Variants in FKBP15 observed in about 807,000 individuals in gnomAD.
FKBP15 encodes FKBP prolyl isomerase family member 15, also known as FK506-binding protein 15.
In FKBP15, 106 loss-of-function variants were observed where a neutral mutation model predicts 158.1. The observed-to-expected ratio is 0.67, with a 90% CI of 0.57 to 0.79. The LOEUF (loss-of-function observed/expected upper bound fraction) is 0.79, where lower values mean the gene tolerates loss of function less well. FKBP15 is among the 30% of genes least tolerant of loss of function. The pLI is 0.00. For missense variants in FKBP15, 1,287 were observed against 1,479.1 expected, an observed-to-expected ratio of 0.87 and a Z score of 2.13; for synonymous variants, 547 against 548.6, an observed-to-expected ratio of 1.00 and a Z score of 0.04.
rs373247123 is a variant in FKBP15 at position 113,169,598 on chromosome 9, A to C, written c.3111T>G (p.Val1037=). 304 of 1,613,896 alleles carry C rather than the reference A, an allele frequency of 1.9e-4. No individual in the cohort carries two copies. The highest frequency in any genetic ancestry group is 2.3e-4 in the Non-Finnish European group (269 of 1,179,898). The change falls in exon 26 of 28, where the codon GTT becomes GTG. Residue 1037 remains valine, a synonymous_variant. Coordinates refer to ENST00000238256, the MANE Select transcript of FKBP15 (RefSeq NM_015258.2). ...GTGGAATTGAAGTCGGGGGCCCTAG[A>C]ACTCTGTGGGATGGGATGCAAGACA... ...PELSCIPSHR[V]LGPPTSIPPE...
intron 7 of FKBP15, among the ~76,000 whole-genome samples, chr9:113,199,279 G>A (rs556073855): frequency 1.3e-5 from 2 of 152,058 alleles, no homozygotes; most frequent in East Asian, 1.9e-4. Context: ...TTCACAAATG[G>A]AAAAAAATAA....
intron 11 of FKBP15, among the ~76,000 whole-genome samples, chr9:113,191,745 C>T (rs887555465): frequency 6.6e-6 from 1 of 150,492 alleles, no homozygotes; most frequent in African/African-American, 2.4e-5. Context: ...ATAAAAAATA[C>T]ATTTCTACTT....
chr9:113,171,189 A>G (rs1830202049), intron 24 of FKBP15, among the ~76,000 whole-genome samples: 1 of 152,198 alleles, frequency 6.6e-6, no homozygotes, highest in African/African-American at 2.4e-5. Flanking sequence ...GCACTTTGGG[A>G]GGCTGAGGCA....
intron 19 of FKBP15, among the ~76,000 whole-genome samples, chr9:113,180,040 G>A (rs12350340): frequency 6.6e-6 from 1 of 152,174 alleles, no homozygotes; most frequent in Non-Finnish European, 1.5e-5. Flanking sequence ...TCATAGCTCA[G>A]AGTTCACTAA....
intron 2 of FKBP15, among the ~76,000 whole-genome samples, chr9:113,209,954 G>C (rs928043890): frequency 6.6e-5 from 10 of 152,290 alleles, no homozygotes; most frequent in African/African-American, 2.4e-4. Context: ...AGGTGACTTA[G>C]AGTGGGGCCC....
intron 2 of FKBP15, among the ~76,000 whole-genome samples, chr9:113,210,934 T>C (rs1830988988): frequency 6.6e-6 from 1 of 152,236 alleles, no homozygotes; most frequent in African/African-American, 2.4e-5. Context: ...CTCTCAGGCC[T>C]GCAGCCACAG....
intron 27 of FKBP15, among the ~76,000 whole-genome samples, chr9:113,167,647 G>A (rs1357009250): frequency 6.6e-6 from 1 of 152,138 alleles, no homozygotes; most frequent in African/African-American, 2.4e-5. Context: ...TACATGAGGG[G>A]ACAAAATTTG....
At chr9:113,183,042 T>C (rs1481288896) in intron 18 of FKBP15, among the ~76,000 whole-genome samples, 174 bp from the exon 19 acceptor site, 1 of 152,020 alleles carries the variant, frequency 6.6e-6, no homozygotes, top group South Asian at 2.1e-4. Context: ...GGAAATCAGG[T>C]TGGAAGCAGG....
At chr9:113,166,377 C>G (rs983707969) in intron 27 of FKBP15, among the ~76,000 whole-genome samples, 3 of 152,336 alleles carry the variant, frequency 2.0e-5, no homozygotes, top group African/African-American at 7.2e-5. Context: ...AAAAGATGAA[C>G]TTTGTTTGGC....
At chr9:113,175,816 A>G (rs377688283) in intron 21 of FKBP15, among the ~76,000 whole-genome samples, 49 of 152,356 alleles carry the variant, frequency 3.2e-4, no homozygotes, top group African/African-American at 1.2e-3. Context: ...TTAAAACAAG[A>G]TAACATATTT....
intron 24 of FKBP15, among the ~76,000 whole-genome samples, chr9:113,170,988 C>A (rs866813346): frequency 4.6e-5 from 7 of 152,318 alleles, no homozygotes; most frequent in African/African-American, 1.7e-4. Flanking sequence ...GGCACACTCC[C>A]CAAGCCCCAT....
Position 113,184,613 on chromosome 9 carries a change from C to G in FKBP15, c.1608+82G>C. On this transcript the variant is annotated intron_variant, in intron 16 of 27. Transcript: ENST00000238256. The surrounding 1 kb of genome is among the most constrained non-coding windows in gnomAD (Gnocchi z 4.5). ...TCTCACTACTACCAATGCAGGAAATCAAAGAAGAGTTTACCTACAGTTCTG... is the reference window on the plus strand; with the variant it reads ...TCTCACTACTACCAATGCAGGAAATGAAAGAAGAGTTTACCTACAGTTCTG... The G allele has an allele frequency of 4.2e-6, 5 of 1,182,100 alleles. No individual in the cohort carries two copies. Among genetic ancestry groups the G allele is most frequent in the Non-Finnish European group, 6.2e-6 (5 of 812,190 alleles). The allele number at this position is 1,182,100 out of a possible 1,614,324, so 73.2% of individuals were successfully genotyped here. A position where few individuals can be genotyped will look rare whatever the true frequency, so the allele number is the denominator to read the frequency against.
intron 1 of FKBP15, among the ~76,000 whole-genome samples, chr9:113,218,504 A>AG (rs1262169523): frequency 6.6e-6 from 1 of 151,710 alleles, no homozygotes; most frequent in Non-Finnish European, 1.5e-5. Context: ...TGTATTTCTT[A>AG]GAACAGTGTA....
At position 113,170,709 on chromosome 9, in the gene FKBP15, C is replaced by A. The variant is rs116043374; in HGVS notation, c.2659-80G>T. On this transcript the variant is annotated intron_variant, in intron 24 of 27. Coordinates refer to ENST00000238256, the MANE Select transcript of FKBP15 (RefSeq NM_015258.2). ...AAATTCCAGAGAGGTGTATGGAAGG[C>A]CAAAATGAAGCCATCTTAGATCTCT... 3.0e-3 allele frequency: 3,030 copies of A among 1,026,232 alleles called. 59 individuals are homozygous for A. In the African/African-American group the frequency reaches 0.042, roughly 14 times the overall value. 63.6% of individuals were successfully genotyped at this position (1,026,232 alleles called of 1,614,324 possible).
At chr9:113,196,689 G>A (rs1351308244) in intron 9 of FKBP15, among the ~76,000 whole-genome samples, 1 of 152,066 alleles carries the variant, frequency 6.6e-6, no homozygotes, top group Non-Finnish European at 1.5e-5. Flanking sequence ...GGCCGAAGAT[G>A]TGACTTTCTT....
rs1830041610 is a variant in FKBP15 at position 113,162,993 on chromosome 9, C to T, written c.*3085G>A. Reference sequence around the variant, plus strand: ...TTCCAGACACTATACTTCCAACTGCCCTTTCTTCTGATGGCTATTCCTCCA... The same window carrying T: ...TTCCAGACACTATACTTCCAACTGCTCTTTCTTCTGATGGCTATTCCTCCA... On this transcript the variant is annotated 3_prime_UTR_variant, in exon 28 of 28. Transcript: ENST00000238256. The T allele has an allele frequency of 2.3e-6, 3 of 1,320,908 alleles. No individual in the cohort carries two copies. Among genetic ancestry groups the T allele is most frequent in the South Asian group, 1.6e-5 (1 of 62,868 alleles). 81.8% of individuals were successfully genotyped at this position (1,320,908 alleles called of 1,614,324 possible).
chr9:113,196,673 G>C (rs188787691), intron 9 of FKBP15, among the ~76,000 whole-genome samples: 14 of 152,260 alleles, frequency 9.2e-5, no homozygotes, highest in Admixed American at 9.2e-4. Flanking sequence ...GTGAGCCACT[G>C]CGCCCGGCCG....
At position 113,202,453 on chromosome 9, in the gene FKBP15, T is replaced by C. The variant is rs1009041299; in HGVS notation, c.498+78A>G. On this transcript the variant is annotated intron_variant, in intron 6 of 27. Transcript: ENST00000238256. Reference sequence around the variant, plus strand: ...AACAAAACACAGCAGATTATGGGTTTTCTATATGTTTCCCTAAAATTAAGG... The same window carrying C: ...AACAAAACACAGCAGATTATGGGTTCTCTATATGTTTCCCTAAAATTAAGG... 8.1e-6 allele frequency: 9 copies of C among 1,114,466 alleles called. No individual in the cohort carries two copies. In the Admixed American group the frequency reaches 1.9e-4, roughly 23 times the overall value. The allele number at this position is 1,114,466 out of a possible 1,614,324, so 69.0% of individuals were successfully genotyped here. A position where few individuals can be genotyped will look rare whatever the true frequency, so the allele number is the denominator to read the frequency against.
At chr9:113,166,278 C>G (rs1830097749) in intron 27 of FKBP15, 123 bp from the exon 28 acceptor site, 1 of 835,834 alleles carries the variant, frequency 1.2e-6, no homozygotes, top group East Asian at 2.7e-5. Context: ...GTTGTACTGA[C>G]AGGGCCAACT....
Sources: allele counts gnomAD v4.1 joint callset (sites outside exome capture counted in the v4.1 genomes callset), GRCh38; gene constraint gnomAD v4.1.1; non-coding constraint Gnocchi (gnomAD v3.1); transcripts MANE v1.5; gene names NCBI Gene and HGNC (gene_info 2026-07-23, HGNC 2026-07-21).